WWP2: variants seen among roughly 807,000 people sequenced by gnomAD.
The protein encoded by WWP2 is WW domain containing E3 ubiquitin protein ligase 2.
In WWP2, 57 loss-of-function variants were observed where a neutral mutation model predicts 121.0. The ratio of observed to expected loss-of-function variants is 0.47; its 90% CI spans 0.38 to 0.59. WWP2 has a LOEUF of 0.59. WWP2 is among the 20% of genes least tolerant of loss of function. WWP2 has a pLI of 0.00. For synonymous variants in WWP2, 449 were observed against 441.3 expected (o/e 1.02, Z -0.22); for missense variants, 962 against 1,158.9 (o/e 0.83, Z 2.47).
chr16:69,936,714 G>A (rs1028329517), intron 19 of WWP2: 1 of 542,684 alleles, frequency 1.8e-6, no homozygotes, highest in African/African-American at 1.9e-5. Context: ...TCTTTGAAGT[G>A]GCATCAAGCT....
intron 4 of WWP2, among the ~76,000 whole-genome samples, chr16:69,812,095 C>T (rs1373647600): frequency 1.3e-5 from 2 of 151,616 alleles, no homozygotes; most frequent in African/African-American, 2.4e-5. Flanking sequence ...TCTGGATCTG[C>T]ATCAGTTCCT....
rs2058846722 is a variant in WWP2, at chr16:69,939,432, G to C, written c.2513+19G>C. ...ACACCTGGTGAGCCTGCTGGTTTTA[G>C]TGGGAGGTCGGGGGGCCTCAGACCC... is the stretch of plus-strand genomic sequence containing the variant. On this transcript the variant is annotated intron_variant, in intron 23 of 23. Transcript: ENST00000359154. 6.2e-7 allele frequency: 1 copy of C among 1,613,920 alleles called. No individual in the cohort carries two copies. The highest frequency in any genetic ancestry group is 1.3e-5 in the African/African-American group (1 of 74,934).
intron 7 of WWP2, among the ~76,000 whole-genome samples, chr16:69,883,232 T>C (rs2057862236): frequency 6.6e-6 from 1 of 152,178 alleles, no homozygotes; most frequent in Non-Finnish European, 1.5e-5. Flanking sequence ...ATCCAGTTTT[T>C]CTATTTGAAG....
intron 4 of WWP2, among the ~76,000 whole-genome samples, chr16:69,827,506 T>C (rs1380162619): frequency 6.6e-6 from 1 of 152,254 alleles, no homozygotes; most frequent in Non-Finnish European, 1.5e-5. Flanking sequence ...TCTGAAATTA[T>C]AATTTGTAAA....
intron 4 of WWP2, among the ~76,000 whole-genome samples, chr16:69,830,760 C>T (rs1231285775): frequency 1.3e-5 from 2 of 152,130 alleles, no homozygotes; most frequent in East Asian, 1.9e-4. Flanking sequence ...GGTTGGAAGC[C>T]GAAGAGCCAT....
intron 6 of WWP2, among the ~76,000 whole-genome samples, chr16:69,856,758 A>T (rs2057320950): frequency 6.6e-6 from 1 of 152,022 alleles, no homozygotes; most frequent in Admixed American, 6.6e-5. Context: ...TGGGTGACAG[A>T]GGGAGACTCT....
intron 10 of WWP2, among the ~76,000 whole-genome samples, chr16:69,923,714 A>G (rs1381931892): frequency 4.6e-5 from 7 of 152,342 alleles, no homozygotes; most frequent in Middle Eastern, 3.4e-3. Context: ...AACCTTTTCT[A>G]TAGTCCTTCC....
intron 10 of WWP2, among the ~76,000 whole-genome samples, chr16:69,920,813 T>G (rs1336419101): frequency 2.0e-5 from 3 of 152,116 alleles, no homozygotes; most frequent in African/African-American, 7.2e-5. Flanking sequence ...ATAAAATGCA[T>G]TAAAGCAATT....
chr16:69,904,410 C>T (rs1298613074), intron 8 of WWP2, among the ~76,000 whole-genome samples: 2 of 151,348 alleles, frequency 1.3e-5, no homozygotes, highest in African/African-American at 4.9e-5. Context: ...GGTCTATTGC[C>T]TAGGCTGGAG....
chr16:69,778,142 C>CAT (rs1340909947), intron 1 of WWP2, among the ~76,000 whole-genome samples: 1 of 145,368 alleles, frequency 6.9e-6, no homozygotes, highest in African/African-American at 2.5e-5. Context: ...CACACACACA[C>CAT]ATATATACAT....
rs745772985 is a variant in WWP2, at chr16:69,937,003, G to T, written c.2118-115G>T. On this transcript the variant is annotated intron_variant, in intron 19 of 23. Transcript: ENST00000359154. The surrounding 1 kb of genome is among the most constrained non-coding windows in gnomAD (Gnocchi z 6.6). Reference sequence around the variant, plus strand: ...TCCAGCAGGCTGGGTCTGGGTGTGCGAAGTGGGCTCTGCTGATCTGGTGGT... The same window carrying T: ...TCCAGCAGGCTGGGTCTGGGTGTGCTAAGTGGGCTCTGCTGATCTGGTGGT... The T allele has an allele frequency of 1.6e-5, 22 of 1,410,466 alleles. No individual in the cohort carries two copies. Among genetic ancestry groups the T allele is most frequent in the Non-Finnish European group, 1.7e-5 (18 of 1,059,058 alleles). The allele number at this position is 1,410,466 out of a possible 1,614,324, so 87.4% of individuals were successfully genotyped here.
At chr16:69,837,327 A>G (rs756528411) in intron 4 of WWP2, among the ~76,000 whole-genome samples, 2 of 152,296 alleles carry the variant, frequency 1.3e-5, no homozygotes, top group South Asian at 4.1e-4. Context: ...CAGCCTCCCA[A>G]AGTGCTGGGA....
chr16:69,919,710 G>A (rs1278247931), intron 10 of WWP2, among the ~76,000 whole-genome samples: 1 of 151,814 alleles, frequency 6.6e-6, no homozygotes, highest in Non-Finnish European at 1.5e-5. Context: ...AGATGCGAAG[G>A]TTGGGATCTA....
intron 4 of WWP2, among the ~76,000 whole-genome samples, chr16:69,824,347 G>A (rs1437050294): frequency 1.3e-5 from 2 of 152,192 alleles, no homozygotes; most frequent in African/African-American, 2.4e-5. Context: ...TCCTGGACCA[G>A]AGTAAGAGTG....
chr16:69,937,500 T>C lies in WWP2; in HGVS notation c.2239-48T>C. On this transcript the variant is annotated intron_variant, in intron 20 of 23. Coordinates refer to ENST00000359154, the MANE Select transcript of WWP2 (RefSeq NM_001270454.2). The surrounding 1 kb of genome is among the most constrained non-coding windows in gnomAD (Gnocchi z 6.6). ...ATGTCAAGTGCTAGCGAGTGGACGA[T>C]GCGCGGGGAGGGACCTGCCGGGGAT... is the stretch of plus-strand genomic sequence containing the variant. 6.3e-7 allele frequency: 1 copy of C among 1,594,648 alleles called. No individual in the cohort carries two copies. The highest frequency in any genetic ancestry group is 8.6e-7 in the Non-Finnish European group (1 of 1,163,152).
chr16:69,939,783 G>A (rs2058853500), intron 23 of WWP2, 58 bp from the exon 24 acceptor site: 1 of 1,498,308 alleles, frequency 6.7e-7, no homozygotes. Flanking sequence ...AGGCATGGTG[G>A]GGCTATCAGA....
intron 4 of WWP2, among the ~76,000 whole-genome samples, chr16:69,822,977 A>G (rs565655096): frequency 1.2e-4 from 19 of 152,262 alleles, no homozygotes; most frequent in African/African-American, 3.9e-4. Context: ...TCTTTACTAA[A>G]AGTACAAAAA....
At chr16:69,807,111 C>T (rs377611042) in intron 4 of WWP2, among the ~76,000 whole-genome samples, 1 of 152,014 alleles carries the variant, frequency 6.6e-6, no homozygotes. Flanking sequence ...TCACTGCAAC[C>T]TCTGCCTCCT....
chr16:69,807,449 C>T (rs1039424769), intron 4 of WWP2, among the ~76,000 whole-genome samples: 2 of 151,592 alleles, frequency 1.3e-5, no homozygotes, highest in African/African-American at 2.4e-5. Flanking sequence ...GAAAACTCAT[C>T]TCTACAAAGA....
Sources: allele counts gnomAD v4.1 joint callset (sites outside exome capture counted in the v4.1 genomes callset), GRCh38; gene constraint gnomAD v4.1.1; non-coding constraint Gnocchi (gnomAD v3.1); transcripts MANE v1.5; gene names NCBI Gene and HGNC (gene_info 2026-07-23, HGNC 2026-07-21).